Variants in ADGRL3 observed in about 807,000 individuals in gnomAD.
ADGRL3 encodes the protein adhesion G protein-coupled receptor L3.
A neutral mutation model predicts 153.5 loss-of-function variants in ADGRL3; 62 were observed. The ratio of observed to expected loss-of-function variants is 0.40; its 90% CI spans 0.33 to 0.50. The LOEUF (loss-of-function observed/expected upper bound fraction) is 0.50. Among genes scored for constraint, ADGRL3 ranks in the 20% least tolerant of loss-of-function variants. ADGRL3 has a pLI of 0.47. For synonymous variants in ADGRL3, 710 were observed against 672.5 expected, an observed-to-expected ratio of 1.06 and a Z score of -0.86; for missense variants, 1,641 against 1,859.4, an observed-to-expected ratio of 0.88 and a Z score of 2.16.
rs115539815 is a variant in ADGRL3 at position 61,797,404 on chromosome 4, C to T, written c.1400-16405C>T. Among the ~76,000 whole-genome samples, 1,225 of 152,082 alleles carry T rather than the reference C, an allele frequency of 8.1e-3. 14 individuals are homozygous for T. Among genetic ancestry groups the T allele is most frequent in the African/African-American group, 0.028 (1,158 of 41,490 alleles). ...GGGATTATATTTTCTCCGAACTTAA[C>T]GCAAATTTTAGGCAGAGTATGGGGA... is the stretch of plus-strand genomic sequence containing the variant. On this transcript the variant is annotated intron_variant, in intron 8 of 26. Transcript: ENST00000683033.
rs1561105122 is a variant in ADGRL3 at position 61,711,461 on chromosome 4, TATATATATA to T, written c.584-19160_584-19152del. On this transcript the variant is annotated intron_variant, in intron 6 of 26. Coordinates refer to ENST00000683033, the MANE Select transcript of ADGRL3 (RefSeq NM_001387552.1). ...CTATCTTAAAACATATGCTTCATTA[TATATATATA>T]TATATATATATATATATATATACAC... Among the ~76,000 whole-genome samples, 53 of 70,110 alleles carry T rather than the reference TATATATATA, an allele frequency of 7.6e-4. 5 individuals carry two copies. The South Asian group carries it at 0.015, about 20-fold the overall frequency. 46.0% of individuals were successfully genotyped at this position (70,110 alleles called of 152,430 possible).
At chr4:61,654,064 A>G (rs1024215316) in intron 5 of ADGRL3, among the ~76,000 whole-genome samples, 2 of 152,238 alleles carry the variant, frequency 1.3e-5, no homozygotes, top group African/African-American at 4.8e-5. Context: ...AAAGAATGTA[A>G]CTTTTGTGTT....
At chr4:61,372,667 T>G (rs1254392693) in intron 1 of ADGRL3, among the ~76,000 whole-genome samples, 1 of 152,200 alleles carries the variant, frequency 6.6e-6, no homozygotes, top group East Asian at 1.9e-4. Flanking sequence ...CTGCAGAGGT[T>G]ACTGCTGTCT....
In ADGRL3 at chr4:62,070,269, A is replaced by G. The variant is rs1745166931; in HGVS notation, c.3993A>G (p.Lys1331=). ...GYNHNETALE[K]KILKELTSNY... is the part of the protein sequence containing the mutation. Reference sequence around the variant, plus strand: ...ACCATAACGAGACCGCCCTAGAGAAAAAGATTCTGAAGGAACTCACTTCCA... The same window carrying G: ...ACCATAACGAGACCGCCCTAGAGAAGAAGATTCTGAAGGAACTCACTTCCA... The change falls in exon 27 of 27, where the codon AAA becomes AAG. Residue 1331 remains lysine, a synonymous_variant. Transcript: ENST00000683033. 2 of 1,598,436 alleles carry G rather than the reference A, an allele frequency of 1.3e-6. No homozygotes were observed. Among genetic ancestry groups the G allele is most frequent in the South Asian group, 1.1e-5 (1 of 89,600 alleles).
At position 61,985,975 on chromosome 4, in the gene ADGRL3, A is replaced by C. The variant is rs1397569350; in HGVS notation, c.3236+2372A>C. ...AAAGATGTCTTAGGGGAGGGGTGTT[A>C]GGTTGATATAGGTTTGTTTTTTTTT... On this transcript the variant is annotated intron_variant, in intron 19 of 26. Transcript: ENST00000683033. 3.3e-5 allele frequency among the ~76,000 whole-genome samples: 5 copies of C among 149,788 alleles called. No homozygotes were observed. In the South Asian group the frequency reaches 8.4e-4, roughly 25 times the overall value.
rs549922008 is a variant in ADGRL3 at position 61,335,759 on chromosome 4, G to A, written c.-239-47365G>A. On this transcript the variant is annotated intron_variant, in intron 1 of 26. Transcript: ENST00000683033. Reference sequence around the variant, plus strand: ...GTGAATTGGAAAGACAAATAAATTCGGTGTATGTGTGTGAAAAGAGCTGCA... The same window carrying A: ...GTGAATTGGAAAGACAAATAAATTCAGTGTATGTGTGTGAAAAGAGCTGCA... Among the ~76,000 whole-genome samples, 3 of 152,160 alleles carry A rather than the reference G, an allele frequency of 2.0e-5. No homozygotes were observed. In the East Asian group the frequency reaches 5.8e-4, roughly 29 times the overall value.
chr4:61,927,769 G>A (rs1316114481), intron 13 of ADGRL3, among the ~76,000 whole-genome samples: 1 of 151,926 alleles, frequency 6.6e-6, no homozygotes, highest in African/African-American at 2.4e-5. Context: ...ATTCAGTAAT[G>A]ATTTTAAACT....
intron 1 of ADGRL3, among the ~76,000 whole-genome samples, chr4:61,291,175 TACACACACACAC>T (rs68037459): frequency 1.2e-4 from 16 of 135,410 alleles, no homozygotes; most frequent in Non-Finnish European, 1.6e-4. Flanking sequence ...CCTGGATCAA[TACACACACACAC>T]ACACACACAC....
intron 2 of ADGRL3, among the ~76,000 whole-genome samples, chr4:61,383,910 A>C (rs1255653984): frequency 6.6e-6 from 1 of 151,884 alleles, no homozygotes; most frequent in Non-Finnish European, 1.5e-5. Context: ...TACTGAAAGT[A>C]ATTCCTGTAA....
intron 9 of ADGRL3, among the ~76,000 whole-genome samples, chr4:61,864,738 T>A (rs2098383461): frequency 6.6e-6 from 1 of 152,174 alleles, no homozygotes; most frequent in African/African-American, 2.4e-5. Flanking sequence ...GACGATTCTT[T>A]TGAATCTGGT....
At chr4:61,481,052 G>A (rs575692209) in intron 2 of ADGRL3, among the ~76,000 whole-genome samples, 5 of 152,076 alleles carry the variant, frequency 3.3e-5, no homozygotes, top group Non-Finnish European at 7.3e-5. Flanking sequence ...CACACCCCTA[G>A]TAATATATTG....
At chr4:62,037,475 A>T (rs1725697073) in intron 23 of ADGRL3, among the ~76,000 whole-genome samples, 1 of 151,968 alleles carries the variant, frequency 6.6e-6, no homozygotes, top group African/African-American at 2.4e-5. Flanking sequence ...CTATGATGTG[A>T]TGGGAGGTGT....
At chr4:61,215,295 C>T (rs559881383) in intron 1 of ADGRL3, among the ~76,000 whole-genome samples, 1 of 152,194 alleles carries the variant, frequency 6.6e-6, no homozygotes, top group Non-Finnish European at 1.5e-5. Context: ...CATGAATGTG[C>T]TTTATGGACC....
intron 2 of ADGRL3, among the ~76,000 whole-genome samples, chr4:61,399,963 A>G (rs1329505886): frequency 6.6e-6 from 1 of 151,738 alleles, no homozygotes; most frequent in Non-Finnish European, 1.5e-5. Flanking sequence ...AGTAGAGGCG[A>G]TGAGTACCAA....
chr4:61,916,602 AC>A (rs532496321), intron 13 of ADGRL3, among the ~76,000 whole-genome samples: 149 of 151,432 alleles, frequency 9.8e-4, no homozygotes, highest in African/African-American at 3.5e-3. Context: ...CACTGATGGT[AC>A]CATTGCTTCT....
intron 25 of ADGRL3, among the ~76,000 whole-genome samples, chr4:62,047,035 T>C (rs1731497775): frequency 6.6e-6 from 1 of 152,042 alleles, no homozygotes; most frequent in East Asian, 1.9e-4. Context: ...AACATAATTA[T>C]TCACTTCTGT....
intron 2 of ADGRL3, among the ~76,000 whole-genome samples, chr4:61,441,848 G>A (rs1013425012): frequency 2.6e-5 from 4 of 152,036 alleles, no homozygotes; most frequent in Admixed American, 1.3e-4. Context: ...TCGAGATGAT[G>A]TTCATAATAT....
chr4:61,504,001 C>T (rs778409102), intron 3 of ADGRL3, among the ~76,000 whole-genome samples: 3 of 152,020 alleles, frequency 2.0e-5, no homozygotes, highest in Non-Finnish European at 2.9e-5. Context: ...TTCTCCAACC[C>T]CCTTTTTGTA....
At chr4:61,799,481 T>C (rs2097461799) in intron 8 of ADGRL3, among the ~76,000 whole-genome samples, 1 of 152,092 alleles carries the variant, frequency 6.6e-6, no homozygotes, top group Non-Finnish European at 1.5e-5. Flanking sequence ...GAAACATTCT[T>C]CTATGACAGA....
Sources: gnomAD v4.1 joint callset for allele counts (sites outside exome capture counted in the v4.1 genomes callset) on GRCh38, gnomAD v4.1.1 for gene constraint, MANE v1.5 for transcripts, NCBI Gene and HGNC (gene_info 2026-07-23, HGNC 2026-07-21) for gene names.